HSP90AA1: variants seen among roughly 807,000 people sequenced by gnomAD.
The protein encoded by HSP90AA1 is heat shock protein HSP 90-alpha.
A neutral mutation model predicts 73.3 loss-of-function variants in HSP90AA1; 18 were observed. The observed-to-expected ratio is 0.25, with a 90% CI of 0.17 to 0.36. HSP90AA1 has a LOEUF of 0.36. HSP90AA1 is among the 10% of genes least tolerant of loss of function. The pLI is 1.00. For missense variants in HSP90AA1, 704 were observed against 874.2 expected, an observed-to-expected ratio of 0.81 and a Z score of 2.45; for synonymous variants, 477 against 296.9, an observed-to-expected ratio of 1.61 and a Z score of -6.24.
At chr14:102,094,006 C>T (rs1341442840) in intron 2 of HSP90AA1, among the ~76,000 whole-genome samples, 3 of 151,860 alleles carry the variant, frequency 2.0e-5, no homozygotes, top group African/African-American at 7.3e-5. Context: ...GACCCGGGAG[C>T]GGGTGCTGGC....
chr14:102,115,221 C>T lies in HSP90AA1; in HGVS notation c.156-13136G>A, dbSNP rs555590716. On this transcript the variant is annotated intron_variant, in intron 1 of 11. Transcript: ENST00000334701. Reference sequence around the variant, plus strand: ...GGCTGAGACAAGAGGATCCCTTGAACCCGGGAGGTAGAGTGAGCCAAAATC... The same window carrying T: ...GGCTGAGACAAGAGGATCCCTTGAATCCGGGAGGTAGAGTGAGCCAAAATC... Among the ~76,000 whole-genome samples the T allele has an allele frequency of 1.2e-3, 185 of 151,942 alleles. 1 individual carries two copies. Among genetic ancestry groups the T allele is most frequent in the Non-Finnish European group, 1.9e-3 (131 of 67,962 alleles).
At chr14:102,100,577 C>A (rs559930136) in intron 2 of HSP90AA1, among the ~76,000 whole-genome samples, 2 of 152,276 alleles carry the variant, frequency 1.3e-5, no homozygotes, top group South Asian at 2.1e-4. Flanking sequence ...AGGCATGCAC[C>A]ATCATGCCCG....
upstream of HSP90AA1, chr14:102,087,132 A>G (rs1196468866): frequency 5.1e-6 from 5 of 983,806 alleles, no homozygotes; most frequent in Non-Finnish European, 6.0e-6. Flanking sequence ...ACCTTCCGGA[A>G]GAACCCTCCC....
chr14:102,128,630 GAAAAAA>G (rs34691938), intron 1 of HSP90AA1, among the ~76,000 whole-genome samples: 4 of 107,028 alleles, frequency 3.7e-5, no homozygotes, highest in Non-Finnish European at 5.4e-5. Flanking sequence ...CTCCGTCTCG[GAAAAAA>G]AAAAAAAAAA....
chr14:102,091,147 G>A (rs77787008), upstream of HSP90AA1, among the ~76,000 whole-genome samples: 1,412 of 152,306 alleles, frequency 9.3e-3, 23 homozygotes, highest in African/African-American at 0.032. Context: ...CAGGCAGCAG[G>A]CTAGCTACTT....
intron 10 of HSP90AA1, 141 bp downstream of exon 10, chr14:102,081,970 T>G (rs1193345813): frequency 3.9e-6 from 3 of 769,112 alleles, no homozygotes; most frequent in Non-Finnish European, 7.0e-6. Context: ...ACCTTACTTA[T>G]CCCTAAAAAA....
chr14:102,115,955 C>CTT (rs369667667), intron 1 of HSP90AA1, among the ~76,000 whole-genome samples: 7 of 142,082 alleles, frequency 4.9e-5, no homozygotes, highest in East Asian at 2.0e-4. Flanking sequence ...GACCGAGCAT[C>CTT]TTTTTTTTTT....
intron 1 of HSP90AA1, among the ~76,000 whole-genome samples, chr14:102,118,120 T>A (rs1262592992): frequency 6.6e-6 from 1 of 152,144 alleles, no homozygotes; most frequent in Non-Finnish European, 1.5e-5. Context: ...CCTGGAGGCA[T>A]AGGATCCAGG....
chr14:102,082,841 C>G (rs556402493), intron 9 of HSP90AA1, 193 bp downstream of exon 9: 1 of 637,014 alleles, frequency 1.6e-6, no homozygotes, highest in Non-Finnish European at 2.8e-6. Context: ...AGGATGGTCT[C>G]GATCTCCTGA....
chr14:102,082,067 C>T (rs769553180), intron 10 of HSP90AA1, 44 bp downstream of exon 10: 35 of 1,295,376 alleles, frequency 2.7e-5, no homozygotes, highest in Non-Finnish European at 3.5e-5. Context: ...TTCAATGTCA[C>T]GTGTGTTTAT....
In HSP90AA1 at chr14:102,083,806, G is replaced by A. The variant is rs767150173; in HGVS notation, c.1325C>T (p.Ser442Phe). 3 of 1,611,048 alleles carry A rather than the reference G, an allele frequency of 1.9e-6. No homozygotes were observed. Among genetic ancestry groups the A allele is most frequent in the Non-Finnish European group, 2.5e-6 (3 of 1,179,094 alleles). Residue 442 changes from serine to phenylalanine, a missense_variant, in exon 7 of 11, where the codon TCT becomes TTT. By Grantham distance (155) the Ser-to-Phe change is radical. Transcript: ENST00000216281. ...ATTTACACCAACCTTTATGTTTTTA[G>A]AGAACTGCTCATAGAATTTCTTGTA... ...ENYKKFYEQF[S>F]KNIKLGIHED...
upstream of HSP90AA1, among the ~76,000 whole-genome samples, chr14:102,087,949 T>A (rs11623605): frequency 1.1e-5 from 1 of 88,830 alleles, no homozygotes; most frequent in Non-Finnish European, 2.1e-5. Context: ...TTTTTTTTTT[T>A]TCTTTTTTTT....
chr14:102,126,460 G>T (rs1265737912), intron 1 of HSP90AA1, among the ~76,000 whole-genome samples: 1 of 152,174 alleles, frequency 6.6e-6, no homozygotes, highest in African/African-American at 2.4e-5. Flanking sequence ...GAAAAAGAAT[G>T]GCTCCTCCTC....
At chr14:102,108,976 C>G (rs991024652) in intron 1 of HSP90AA1, among the ~76,000 whole-genome samples, 1 of 152,074 alleles carries the variant, frequency 6.6e-6, no homozygotes, top group Non-Finnish European at 1.5e-5. Flanking sequence ...TTTTATTGGA[C>G]AGCTGAATTT....
At position 102,083,679 on chromosome 14, in the gene HSP90AA1, T is replaced by G; in HGVS notation, c.1353A>C (p.Glu451Asp). ...AAAGCTTCTTCCGATTTTGAGAGTC[T>G]TCGTGTATTCCAAGCTGAAACAAAG... ...FSKNIKLGIH[E>D]DSQNRKKLSE... Residue 451 changes from glutamate to aspartate, a missense_variant, in exon 8 of 11, where the codon GAA (glutamate) becomes GAC (aspartate). Glu to Asp is a conservative substitution (Grantham distance 45). Transcript: ENST00000216281. 6.2e-7 allele frequency: 1 copy of G among 1,613,386 alleles called. No homozygotes were observed. Among genetic ancestry groups the G allele is most frequent in the Non-Finnish European group, 8.5e-7 (1 of 1,179,600 alleles).
chr14:102,123,919 G>A (rs1483823257), intron 1 of HSP90AA1, among the ~76,000 whole-genome samples: 1 of 151,910 alleles, frequency 6.6e-6, no homozygotes, highest in Non-Finnish European at 1.5e-5. Context: ...TCCCACCTCA[G>A]CCTCCCCAGC....
chr14:102,128,078 G>A (rs1307112270), intron 1 of HSP90AA1, among the ~76,000 whole-genome samples: 1 of 152,174 alleles, frequency 6.6e-6, no homozygotes. Context: ...CATACTACAT[G>A]GGAGGAGGCA....
intron 2 of HSP90AA1, among the ~76,000 whole-genome samples, chr14:102,099,687 C>T (rs776227716): frequency 6.6e-6 from 1 of 152,206 alleles, no homozygotes; most frequent in Non-Finnish European, 1.5e-5. Flanking sequence ...GTGAAGAACA[C>T]TCTGCTTTAC....
chr14:102,109,402 G>C (rs117351884), intron 1 of HSP90AA1, among the ~76,000 whole-genome samples: 6,523 of 152,226 alleles, frequency 0.043, 179 homozygotes, highest in Middle Eastern at 0.065. Context: ...GGAGGTAACC[G>C]AATCATGGAG....
Sources: allele counts gnomAD v4.1 joint callset (sites outside exome capture counted in the v4.1 genomes callset), GRCh38; gene constraint gnomAD v4.1.1; transcripts MANE v1.5; gene names NCBI Gene and HGNC (gene_info 2026-07-23, HGNC 2026-07-21).